EDEM1: variants seen among roughly 807,000 people sequenced by gnomAD.
EDEM1 encodes ER degradation-enhancing alpha-mannosidase-like protein 1.
In EDEM1, 67 loss-of-function variants were observed where a neutral mutation model predicts 74.4. The ratio of observed to expected loss-of-function variants is 0.90; its 90% CI spans 0.74 to 1.10. The LOEUF (loss-of-function observed/expected upper bound fraction) is 1.10. EDEM1 is among the 50% of genes least tolerant of loss of function. EDEM1 has a pLI of 0.00. For synonymous variants in EDEM1, 382 were observed against 335.9 expected, an observed-to-expected ratio of 1.14 and a Z score of -1.50; for missense variants, 926 against 851.6, an observed-to-expected ratio of 1.09 and a Z score of -1.09.
chr3:5,193,788 G>A (rs138771139), intron 1 of EDEM1, among the ~76,000 whole-genome samples: 8,133 of 152,172 alleles, frequency 0.053, 303 homozygotes, highest in South Asian at 0.1. Flanking sequence ...AGTAGAGACA[G>A]GGTCTTGCCA....
At chr3:5,203,699 A>G (rs931345750) in intron 5 of EDEM1, among the ~76,000 whole-genome samples, 18 of 152,130 alleles carry the variant, frequency 1.2e-4, no homozygotes, top group African/African-American at 4.3e-4. Context: ...GTCTTCACTA[A>G]TTATCAGTAT....
At chr3:5,214,048 G>T (rs959017919) in intron 11 of EDEM1, among the ~76,000 whole-genome samples, 1 of 152,178 alleles carries the variant, frequency 6.6e-6, no homozygotes, top group African/African-American at 2.4e-5. Flanking sequence ...GGTCACGATG[G>T]TCCCAATGAA....
At chr3:5,190,276 C>T (rs1161255899) in intron 1 of EDEM1, among the ~76,000 whole-genome samples, 1 of 152,184 alleles carries the variant, frequency 6.6e-6, no homozygotes, top group African/African-American at 2.4e-5. Context: ...GAGAGCACTT[C>T]CAATAAGTGC....
In EDEM1 at chr3:5,213,457, C is replaced by T. The variant is rs763571623; in HGVS notation, c.1819C>T (p.Gln607Ter). ...EFFSEEGGQD[Q>*]GGKSVHRPKP... ...CTTCTCTGAAGAGGGAGGGCAGGAC[C>T]AAGGGGGAAAGTCTGTGCACAGGCC... Residue 607 changes from glutamine to a stop codon, truncating the protein, a stop_gained, in exon 11 of 12, where the codon CAA becomes TAA. Transcript: ENST00000256497. LOFTEE classifies it high-confidence loss of function. 3 of 1,614,094 alleles carry T rather than the reference C, an allele frequency of 1.9e-6. No homozygotes were observed. In the Admixed American group the frequency reaches 5.0e-5, roughly 27 times the overall value.
At chr3:5,208,812 C>T (rs1471446331) in intron 8 of EDEM1, among the ~76,000 whole-genome samples, 1 of 150,984 alleles carries the variant, frequency 6.6e-6, no homozygotes, top group Middle Eastern at 3.2e-3. Flanking sequence ...AGTGTTCATC[C>T]TTTGTGAAAT....
chr3:5,206,152 A>C (rs2055094332), intron 6 of EDEM1, among the ~76,000 whole-genome samples: 2 of 151,322 alleles, frequency 1.3e-5, no homozygotes, highest in African/African-American at 4.9e-5. Context: ...CAGGAGAGAG[A>C]GAGCCATTTG....
chr3:5,208,788 CAT>C (rs201823755), intron 8 of EDEM1, among the ~76,000 whole-genome samples: 2 of 150,554 alleles, frequency 1.3e-5, no homozygotes, highest in Middle Eastern at 3.2e-3. Flanking sequence ...CACACACACA[CAT>C]ATATATGTAA....
chr3:5,191,049 T>G (rs2054896599), intron 1 of EDEM1, among the ~76,000 whole-genome samples: 1 of 152,122 alleles, frequency 6.6e-6, no homozygotes, highest in Non-Finnish European at 1.5e-5. Context: ...AATTATACTT[T>G]TAGTTATTTT....
intron 8 of EDEM1, among the ~76,000 whole-genome samples, chr3:5,208,528 A>G (rs2055127580): frequency 6.6e-6 from 1 of 152,128 alleles, no homozygotes. Flanking sequence ...TATAACTCAC[A>G]TCTTTAAGTA....
intron 11 of EDEM1, 107 bp downstream of exon 11, chr3:5,213,629 T>G: frequency 1.8e-6 from 2 of 1,133,670 alleles, no homozygotes; most frequent in Non-Finnish European, 2.5e-6. Context: ...GTATGCAGAT[T>G]GGGAGATTTG....
At chr3:5,189,508 A>C (rs2054873524) in intron 1 of EDEM1, 3 of 152,254 alleles carry the variant, frequency 2.0e-5, no homozygotes, top group South Asian at 4.1e-4. Flanking sequence ...TTCTTGCTTA[A>C]CCATAGCGTT....
chr3:5,197,074 T>C (rs535242492), intron 2 of EDEM1, among the ~76,000 whole-genome samples: 3 of 151,620 alleles, frequency 2.0e-5, no homozygotes, highest in African/African-American at 7.3e-5. Context: ...CTTTTTTTTT[T>C]TTTTTTTTCC....
intron 4 of EDEM1, 62 bp downstream of exon 4, chr3:5,201,986 T>C: frequency 6.5e-7 from 1 of 1,542,518 alleles, no homozygotes; most frequent in Non-Finnish European, 8.7e-7. Flanking sequence ...ATTAAAATTC[T>C]TTGCTTACTA....
At chr3:5,198,447 A>G (rs2054995938) in intron 2 of EDEM1, among the ~76,000 whole-genome samples, 1 of 152,202 alleles carries the variant, frequency 6.6e-6, no homozygotes, top group Non-Finnish European at 1.5e-5. Context: ...GTGAATCTGC[A>G]GTTTTACATA....
At chr3:5,206,958 G>T (rs1334436662) in intron 6 of EDEM1, among the ~76,000 whole-genome samples, 195 bp from the exon 7 acceptor site, 1 of 152,254 alleles carries the variant, frequency 6.6e-6, no homozygotes, top group African/African-American at 2.4e-5. Context: ...CTTTGATCCT[G>T]TGGAAAATAT....
At chr3:5,188,340 C>G (rs749137128) in intron 1 of EDEM1, 26 bp downstream of exon 1, 2 of 1,388,230 alleles carry the variant, frequency 1.4e-6, no homozygotes, top group Non-Finnish European at 1.9e-6. Context: ...CGCCCGGGGC[C>G]GCGCGCCCAC....
At chr3:5,188,881 G>A (rs2054865616) in intron 1 of EDEM1, among the ~76,000 whole-genome samples, 1 of 152,200 alleles carries the variant, frequency 6.6e-6, no homozygotes, top group South Asian at 2.1e-4. Context: ...CTGCTTCTTA[G>A]GCTGAGGATA....
intron 10 of EDEM1, among the ~76,000 whole-genome samples, chr3:5,212,097 G>A (rs1291562728): frequency 1.3e-5 from 2 of 152,190 alleles, no homozygotes; most frequent in Non-Finnish European, 2.9e-5. Context: ...TCACCCTGGG[G>A]CCCTTGCTAA....
chr3:5,211,520 G>A (rs2055167980), intron 10 of EDEM1: 1 of 308,088 alleles, frequency 3.2e-6, no homozygotes, highest in South Asian at 3.4e-5. Context: ...GGTGGTCGGG[G>A]AAGACGCCTC....
Sources: gnomAD v4.1 joint callset for allele counts (sites outside exome capture counted in the v4.1 genomes callset) on GRCh38, gnomAD v4.1.1 for gene constraint, MANE v1.5 for transcripts, NCBI Gene and HGNC (gene_info 2026-07-23, HGNC 2026-07-21) for gene names.